Variants in KCNIP4 observed in about 807,000 individuals in gnomAD.
KCNIP4 encodes potassium voltage-gated channel interacting protein 4.
A neutral mutation model predicts 34.0 loss-of-function variants in KCNIP4; 12 were observed. That is an observed-to-expected ratio of 0.35 (90% CI 0.23 to 0.57). KCNIP4 has a LOEUF of 0.57. Among genes scored for constraint, KCNIP4 ranks in the 20% least tolerant of loss-of-function variants. KCNIP4 has a pLI of 0.83. For synonymous variants in KCNIP4, 124 were observed against 102.2 expected (o/e 1.21, Z -1.29); for missense variants, 238 against 311.7 (o/e 0.76, Z 1.78).
intron 1 of KCNIP4, among the ~76,000 whole-genome samples, chr4:21,519,045 A>G (rs1243774937): frequency 6.6e-6 from 1 of 151,986 alleles, no homozygotes; most frequent in African/African-American, 2.4e-5. Flanking sequence ...GGCTTGAGTA[A>G]TTTTCCCACG....
chr4:20,853,940 G>T (rs1299170088), intron 2 of KCNIP4, among the ~76,000 whole-genome samples: 1 of 152,072 alleles, frequency 6.6e-6, no homozygotes, highest in Non-Finnish European at 1.5e-5. Flanking sequence ...AAACCACAAT[G>T]CAATACTGCC....
At chr4:21,235,763 C>T (rs1409422800) in intron 1 of KCNIP4, among the ~76,000 whole-genome samples, 1 of 152,138 alleles carries the variant, frequency 6.6e-6, no homozygotes, top group Non-Finnish European at 1.5e-5. Context: ...ATAGCAAGGG[C>T]TCAGTTATTA....
intron 1 of KCNIP4, among the ~76,000 whole-genome samples, chr4:21,709,816 C>T (rs1344678801): frequency 6.6e-6 from 1 of 152,198 alleles, no homozygotes; most frequent in African/African-American, 2.4e-5. Context: ...TTACAATTCT[C>T]TTTAGTGTGA....
chr4:21,394,130 T>C (rs946781419), intron 1 of KCNIP4, among the ~76,000 whole-genome samples: 3 of 152,298 alleles, frequency 2.0e-5, no homozygotes, highest in Non-Finnish European at 4.4e-5. Flanking sequence ...TTCAGATTCT[T>C]TCAACAAATT....
intron 1 of KCNIP4, among the ~76,000 whole-genome samples, chr4:21,179,960 G>A (rs896308467): frequency 3.9e-5 from 6 of 152,014 alleles, no homozygotes; most frequent in Non-Finnish European, 5.9e-5. Flanking sequence ...CCCATCATGG[G>A]TCATGCACTG....
Position 20,790,834 on chromosome 4 carries a change from G to C in KCNIP4, c.289-31944C>G, listed in dbSNP as rs577429241. ...ATGAACCTACAGACCTTGACAAGTT[G>C]GTTTGTAGGCAGAATTTTCCAAGTG... On this transcript the variant is annotated intron_variant, in intron 3 of 8. Coordinates refer to ENST00000382152, the MANE Select transcript of KCNIP4 (RefSeq NM_025221.6). Among the ~76,000 whole-genome samples the C allele has an allele frequency of 1.1e-3, 167 of 152,176 alleles. 3 individuals carry two copies. In the South Asian group the frequency reaches 0.033, roughly 30 times the overall value.
At chr4:21,241,966 A>T (rs569659351) in intron 1 of KCNIP4, among the ~76,000 whole-genome samples, 23 of 152,150 alleles carry the variant, frequency 1.5e-4, no homozygotes, top group African/African-American at 5.5e-4. Flanking sequence ...GATTGAGACC[A>T]TCCTGGCTAA....
At chr4:21,447,869 TC>T (rs1188345494) in intron 1 of KCNIP4, among the ~76,000 whole-genome samples, 1 of 152,126 alleles carries the variant, frequency 6.6e-6, no homozygotes. Context: ...ATGACTCACA[TC>T]CCAGGCAGGA....
chr4:20,729,462 G>GATAATAAACTAATTTTTAAATGTTTA lies in KCNIP4; in HGVS notation c.*594_*619dup, dbSNP rs1560391600. The GATAATAAACTAATTTTTAAATGTTTA allele has an allele frequency of 1.5e-5, 2 of 132,768 alleles. No homozygotes were observed. The highest frequency in any genetic ancestry group is 5.1e-5 in the African/African-American group (2 of 38,874). 8.2% of individuals were successfully genotyped at this position (132,768 alleles called of 1,614,324 possible). On this transcript the variant is annotated 3_prime_UTR_variant, in exon 9 of 9. Coordinates refer to ENST00000382152, the MANE Select transcript of KCNIP4 (RefSeq NM_025221.6). ...TTTTATTAGGCATATGCTGATATCTGATAATAAACTAATTTTTAAATGTTT... is the reference window on the plus strand; with the variant it reads ...TTTTATTAGGCATATGCTGATATCTGATAATAAACTAATTTTTAAATGTTTAATAATAAACTAATTTTTAAATGTTT...
intron 1 of KCNIP4, among the ~76,000 whole-genome samples, chr4:21,227,466 T>C (rs1758484644): frequency 6.6e-6 from 1 of 152,150 alleles, no homozygotes; most frequent in African/African-American, 2.4e-5. Flanking sequence ...GTATCTTGAG[T>C]GCCTGCACCT....
intron 1 of KCNIP4, among the ~76,000 whole-genome samples, chr4:21,383,498 CAAAAAA>C (rs58025914): frequency 8.8e-6 from 1 of 114,042 alleles, no homozygotes; most frequent in Non-Finnish European, 1.8e-5. Flanking sequence ...AGTAGCAAGA[CAAAAAA>C]AAAAAAAAAA....
intron 1 of KCNIP4, among the ~76,000 whole-genome samples, chr4:21,556,621 C>G (rs1739031732): frequency 6.6e-6 from 1 of 152,014 alleles, no homozygotes; most frequent in African/African-American, 2.4e-5. Flanking sequence ...TGGAATACTA[C>G]TTCAAAAATA....
At chr4:21,456,058 C>G (rs960616829) in intron 1 of KCNIP4, among the ~76,000 whole-genome samples, 1 of 145,748 alleles carries the variant, frequency 6.9e-6, no homozygotes, top group Admixed American at 6.7e-5. Flanking sequence ...TTGCTTAATA[C>G]GAAGAGAAGA....
chr4:21,047,453 T>G (rs763416944), intron 1 of KCNIP4, among the ~76,000 whole-genome samples: 1 of 152,166 alleles, frequency 6.6e-6, no homozygotes, highest in Non-Finnish European at 1.5e-5. Flanking sequence ...CACATATAAT[T>G]GACACATCCT....
At chr4:21,078,664 C>T (rs983942922) in intron 1 of KCNIP4, among the ~76,000 whole-genome samples, 2 of 151,952 alleles carry the variant, frequency 1.3e-5, no homozygotes, top group African/African-American at 4.8e-5. Context: ...AAGAACAATA[C>T]AAGAAAATTT....
At chr4:21,755,681 CT>C (rs1560689696) in intron 1 of KCNIP4, among the ~76,000 whole-genome samples, 2 of 152,128 alleles carry the variant, frequency 1.3e-5, no homozygotes, top group Non-Finnish European at 2.9e-5. Context: ...AGAGAAGCCA[CT>C]TAACTGGTCA....
At chr4:21,298,831 A>G (rs1490526588) in intron 1 of KCNIP4, among the ~76,000 whole-genome samples, 4 of 152,216 alleles carry the variant, frequency 2.6e-5, no homozygotes, top group Non-Finnish European at 5.9e-5. Context: ...TTTCATGCAT[A>G]GAATGCGTCC....
intron 3 of KCNIP4, among the ~76,000 whole-genome samples, chr4:20,820,876 A>C (rs1717018826): frequency 6.6e-6 from 1 of 152,234 alleles, no homozygotes. Context: ...AATGCAGGAC[A>C]CTGCTCCAGA....
chr4:21,428,201 G>A (rs1193471646), intron 1 of KCNIP4, among the ~76,000 whole-genome samples: 1 of 152,126 alleles, frequency 6.6e-6, no homozygotes, highest in African/African-American at 2.4e-5. Context: ...GCATAGTGCT[G>A]TCTCTGTCAT....
Sources: allele counts gnomAD v4.1 joint callset (sites outside exome capture counted in the v4.1 genomes callset), GRCh38; gene constraint gnomAD v4.1.1; transcripts MANE v1.5; gene names NCBI Gene and HGNC (gene_info 2026-07-23, HGNC 2026-07-21).